RECK: variants seen among roughly 807,000 people sequenced by gnomAD.
The protein encoded by RECK is reversion inducing cysteine rich protein with kazal motifs, also known as reversion-inducing cysteine-rich protein with Kazal motifs.
RECK carries 69 observed loss-of-function variants against 115.1 expected under a neutral mutation model. That is an observed-to-expected ratio of 0.60 (90% CI 0.49 to 0.73). The LOEUF is 0.73. Among genes scored for constraint, RECK ranks in the 30% least tolerant of loss-of-function variants. The pLI is 0.00. For synonymous variants in RECK, 414 were observed against 419.7 expected, an observed-to-expected ratio of 0.99 and a Z score of 0.17; for missense variants, 1,047 against 1,203.7, an observed-to-expected ratio of 0.87 and a Z score of 1.93.
At chr9:36,063,095 A>G (rs957359789) in intron 4 of RECK, among the ~76,000 whole-genome samples, 1 of 152,240 alleles carries the variant, frequency 6.6e-6, no homozygotes, top group East Asian at 1.9e-4. Context: ...AGATCGCGCC[A>G]CTGCACTCCA....
chr9:36,089,546 T>A (rs1823083600), intron 9 of RECK, among the ~76,000 whole-genome samples: 1 of 152,174 alleles, frequency 6.6e-6, no homozygotes, highest in East Asian at 1.9e-4. Flanking sequence ...TCAGAAACGT[T>A]TTGAGTGCTG....
At position 36,122,825 on chromosome 9, in the gene RECK, T is replaced by C. The variant is rs780040545; in HGVS notation, c.2696T>C (p.Ile899Thr). 6.2e-7 allele frequency: 1 copy of C among 1,613,796 alleles called. No individual in the cohort carries two copies. The highest frequency in any genetic ancestry group is 1.1e-5 in the South Asian group (1 of 91,052). ...PVDHYPKALQ[I>T]EACNKEAEKI... ...AGGGAACCTTGTTTCTCCTCACAGA[T>C]TGAAGCCTGCAATAAAGAAGCAGAG... The change falls in exon 21 of 21, where the codon ATT becomes ACT. Residue 899 changes from isoleucine to threonine, a missense_variant and splice_region_variant. Transcript: ENST00000377966.
chr9:36,041,784 T>TC (rs1463200044), intron 1 of RECK, among the ~76,000 whole-genome samples: 1 of 151,210 alleles, frequency 6.6e-6, no homozygotes, highest in African/African-American at 2.4e-5. Context: ...TTTTTTTTTT[T>TC]TTTTGCACAT....
At chr9:36,117,721 G>A (rs762377554) in intron 17 of RECK, among the ~76,000 whole-genome samples, 5 of 152,158 alleles carry the variant, frequency 3.3e-5, no homozygotes, top group Admixed American at 6.6e-5. Context: ...GGTGGCTCAC[G>A]CCTGTAATCC....
intron 16 of RECK, among the ~76,000 whole-genome samples, chr9:36,115,414 CAACA>C (rs71336428): frequency 0.078 from 11,840 of 151,934 alleles, 607 homozygotes; most frequent in Non-Finnish European, 0.097. Context: ...TAGGACATAA[CAACA>C]AACAAGACAG....
At position 36,092,154 on chromosome 9, in the gene RECK, A is replaced by G. The variant is rs576544275; in HGVS notation, c.1085+811A>G. 6.6e-5 allele frequency among the ~76,000 whole-genome samples: 10 copies of G among 152,302 alleles called. 1 individual carries two copies. The highest frequency in any genetic ancestry group is 6.5e-4 in the Admixed American group (10 of 15,290). On this transcript the variant is annotated intron_variant, in intron 10 of 20. Coordinates refer to ENST00000377966, the MANE Select transcript of RECK (RefSeq NM_021111.3). ...ATATCTTTAAAACTGGTGATAGAGT[A>G]TTAGCCAGTAAAGACCTGATTTAGA... is the stretch of plus-strand genomic sequence containing the variant.
At position 36,040,181 on chromosome 9, in the gene RECK, C is replaced by A. The variant is rs556478749; in HGVS notation, c.100+3083C>A. Among the ~76,000 whole-genome samples, 68 of 152,154 alleles carry A rather than the reference C, an allele frequency of 4.5e-4. 2 individuals are homozygous for A. The South Asian group carries it at 0.013, about 30-fold the overall frequency. ...AGCTTACATTCTGAGAGGTGATAGA[C>A]AATAAATAGATAAATATGTAACAAA... is the stretch of plus-strand genomic sequence containing the variant. On this transcript the variant is annotated intron_variant, in intron 1 of 20. Transcript: ENST00000377966.
At chr9:36,118,994 G>C in intron 18 of RECK, 27 bp downstream of exon 18, 1 of 1,600,676 alleles carries the variant, frequency 6.2e-7, no homozygotes, top group South Asian at 1.1e-5. Flanking sequence ...GGGGTGGACA[G>C]GGGAGGACTG....
At position 36,063,982 on chromosome 9, in the gene RECK, A is replaced by G; in HGVS notation, c.357+102A>G. On this transcript the variant is annotated intron_variant, in intron 5 of 20. Coordinates refer to ENST00000377966, the MANE Select transcript of RECK (RefSeq NM_021111.3). Reference sequence around the variant, plus strand: ...CCCACCTCCTAGCTTTGCAGAGGTAACCCGTAAAAACTGCAAATTTAGCAT... The same window carrying G: ...CCCACCTCCTAGCTTTGCAGAGGTAGCCCGTAAAAACTGCAAATTTAGCAT... The G allele has an allele frequency of 1.9e-6, 2 of 1,052,382 alleles. 1 individual carries two copies. The highest frequency in any genetic ancestry group is 2.8e-5 in the South Asian group (2 of 71,796). 65.2% of individuals were successfully genotyped at this position (1,052,382 alleles called of 1,614,324 possible).
chr9:36,087,541 G>C (rs1823011609), intron 8 of RECK, among the ~76,000 whole-genome samples, 153 bp from the exon 9 acceptor site: 1 of 152,152 alleles, frequency 6.6e-6, no homozygotes, highest in Non-Finnish European at 1.5e-5. Flanking sequence ...ACCTAATGTA[G>C]ATGACAGGTT....
At chr9:36,065,228 T>TAAAAAAAAAAAAAAAAAAAAAAAAAAAAA (rs561725701) in intron 5 of RECK, among the ~76,000 whole-genome samples, 2 of 50,542 alleles carry the variant, frequency 4.0e-5, no homozygotes, top group Non-Finnish European at 7.8e-5. Context: ...GGAATTCAGC[T>TAAAAAAAAAAAAAAAAAAAAAAAAAAAAA]AAAAAAAAAA....
At chr9:36,101,173 AAT>A in intron 11 of RECK, among the ~76,000 whole-genome samples, 1 of 152,066 alleles carries the variant, frequency 6.6e-6, no homozygotes, top group East Asian at 1.9e-4. Flanking sequence ...GGATGGCCTC[AAT>A]CTCTTGACCT....
chr9:36,104,240 ATTAT>A (rs924135002), intron 12 of RECK, among the ~76,000 whole-genome samples: 3 of 125,832 alleles, frequency 2.4e-5, no homozygotes, highest in African/African-American at 8.9e-5. Context: ...TTCTGACTTA[ATTAT>A]TTATTTATAG....
chr9:36,062,557 A>G (rs574163431), intron 4 of RECK, among the ~76,000 whole-genome samples: 27 of 152,102 alleles, frequency 1.8e-4, no homozygotes, highest in Admixed American at 9.8e-4. Flanking sequence ...GGCCCACTGC[A>G]GCCTCCACCT....
Position 36,118,703 on chromosome 9 carries a change from G to A in RECK, c.2254-54G>A, listed in dbSNP as rs1208265602. On this transcript the variant is annotated intron_variant, in intron 17 of 20. Coordinates refer to ENST00000377966, the MANE Select transcript of RECK (RefSeq NM_021111.3). ...GGAGGCATGCTGTGTACTCTTGGTT[G>A]GGAAAGGTACAACATAGACATTTCC... 24 of 1,536,298 alleles carry A rather than the reference G, an allele frequency of 1.6e-5. No homozygotes were observed. The South Asian group carries it at 2.7e-4, about 18-fold the overall frequency.
chr9:36,121,476 T>C, intron 19 of RECK, 57 bp from the exon 20 acceptor site: 8 of 1,538,278 alleles, frequency 5.2e-6, no homozygotes, highest in African/African-American at 1.4e-5. Flanking sequence ...GCAAGGGAGC[T>C]TAGGCAGTCA....
chr9:36,092,434 T>C (rs996669137), intron 10 of RECK, among the ~76,000 whole-genome samples: 1 of 151,910 alleles, frequency 6.6e-6, no homozygotes, highest in African/African-American at 2.4e-5. Context: ...TATAGTGGCA[T>C]GATCTCGGCT....
At chr9:36,040,540 G>A (rs1236097220) in intron 1 of RECK, among the ~76,000 whole-genome samples, 1 of 152,114 alleles carries the variant, frequency 6.6e-6, no homozygotes, top group African/African-American at 2.4e-5. Flanking sequence ...ATTTTATTCT[G>A]TGCACAGATA....
At chr9:36,091,025 G>C (rs1050353394) in intron 9 of RECK, 139 bp from the exon 10 acceptor site, 2 of 643,310 alleles carry the variant, frequency 3.1e-6, no homozygotes, top group Admixed American at 3.5e-5. Flanking sequence ...CTAGTTTCTA[G>C]GAAATAGTCA....
Sources: gnomAD v4.1 joint callset for allele counts (sites outside exome capture counted in the v4.1 genomes callset) on GRCh38, gnomAD v4.1.1 for gene constraint, MANE v1.5 for transcripts, NCBI Gene and HGNC (gene_info 2026-07-23, HGNC 2026-07-21) for gene names.